Variants in JADE2 observed in about 807,000 individuals in gnomAD.
JADE2 encodes the protein E3 ubiquitin-protein ligase Jade-2.
In JADE2, 13 loss-of-function variants were observed where a neutral mutation model predicts 85.7. The observed-to-expected ratio is 0.15, with a 90% CI of 0.10 to 0.24. The LOEUF (loss-of-function observed/expected upper bound fraction) is 0.24. Among genes scored for constraint, JADE2 ranks in the 10% least tolerant of loss-of-function variants. JADE2 has a pLI of 1.00. For missense variants in JADE2, 846 were observed against 1,115.9 expected (o/e 0.76, Z 3.45); for synonymous variants, 440 against 456.1 (o/e 0.96, Z 0.45).
At chr5:134,561,064 A>G in intron 6 of JADE2, 107 bp downstream of exon 6, 1 of 860,576 alleles carries the variant, frequency 1.2e-6, no homozygotes, top group Non-Finnish European at 1.8e-6. Flanking sequence ...AGCCCTTAAG[A>G]AGGAGGAGGA....
At chr5:134,571,460 A>G (rs1442974974) in intron 9 of JADE2, among the ~76,000 whole-genome samples, 3 of 152,158 alleles carry the variant, frequency 2.0e-5, no homozygotes, top group Admixed American at 2.0e-4. Context: ...GAACTTTGGG[A>G]GGCCAAGGTG....
Position 134,578,266 on chromosome 5 carries a change from G to A in JADE2, c.1682-228G>A, listed in dbSNP as rs977885808. On this transcript the variant is annotated intron_variant, in intron 11 of 11. Coordinates refer to ENST00000681547, the MANE Select transcript of JADE2 (RefSeq NM_001388185.1). This position sits in a 1 kb window ranked among gnomAD's most constrained non-coding sequence, Gnocchi z 4.4. ...TACACTCTAGCCCACAAATTATGAA[G>A]CCCATCTTGAGGGCAGCACGTCCTT... Among the ~76,000 whole-genome samples, 35 of 152,198 alleles carry A rather than the reference G, an allele frequency of 2.3e-4. No homozygotes were observed. The highest frequency in any genetic ancestry group is 8.2e-4 in the African/African-American group (34 of 41,446).
chr5:134,532,372 G>A (rs962594059), intron 1 of JADE2, among the ~76,000 whole-genome samples: 11 of 152,170 alleles, frequency 7.2e-5, no homozygotes, highest in African/African-American at 1.9e-4. Context: ...TGGTGGGGCC[G>A]AGGATACAGA....
rs117447346 is a variant in JADE2, at chr5:134,531,247, G to A, written c.1-4611G>A. On this transcript the variant is annotated intron_variant, in intron 1 of 11. Transcript: ENST00000681547. ...GAATATTTGGCTTGTTCAAAGGAAT[G>A]AAAGGAGCCCAGCATGGCTAGAAGG... 1.4e-3 allele frequency among the ~76,000 whole-genome samples: 219 copies of A among 152,308 alleles called. 3 individuals are homozygous for A. The highest frequency in any genetic ancestry group is 8.0e-3 in the Admixed American group (123 of 15,304).
At chr5:134,536,190 C>G (rs941675204) in intron 2 of JADE2, among the ~76,000 whole-genome samples, 4 of 152,138 alleles carry the variant, frequency 2.6e-5, no homozygotes, top group African/African-American at 9.7e-5. Context: ...TGGAACAGAT[C>G]GGCTCCACTC....
chr5:134,561,909 G>T (rs542989728), intron 6 of JADE2, among the ~76,000 whole-genome samples: 38 of 152,096 alleles, frequency 2.5e-4, no homozygotes, highest in Non-Finnish European at 5.0e-4. Flanking sequence ...TCTATTGCTG[G>T]TTAGGAACCT....
At chr5:134,535,515 T>C (rs1761530066) in intron 1 of JADE2, among the ~76,000 whole-genome samples, 1 of 152,132 alleles carries the variant, frequency 6.6e-6, no homozygotes, top group Admixed American at 6.5e-5. Context: ...TGGGCCTGAG[T>C]GTCCTTGGGT....
Position 134,579,219 on chromosome 5 carries a change from A to G in JADE2, c.2407A>G (p.Ser803Gly). 6.2e-7 allele frequency: 1 copy of G among 1,614,144 alleles called. No individual in the cohort carries two copies. The highest frequency in any genetic ancestry group is 1.1e-5 in the South Asian group (1 of 91,078). The part of the protein sequence containing the change: ...TDGYFSDGEM[S>G]DSDVEAEDGG... ...TGGCTACTTCTCTGATGGGGAGATG[A>G]GCGACTCAGATGTAGAGGCCGAGGA... The change falls in exon 12 of 12, where the codon AGC becomes GGC. Residue 803 changes from serine to glycine, a missense_variant. Around this residue, in one of 9 missense-constraint regions of JADE2, gnomAD observed 300 missense variants for 300.7 expected, o/e 1.00. Coordinates refer to ENST00000681547, the MANE Select transcript of JADE2 (RefSeq NM_001388185.1). The surrounding 1 kb of genome is among the most constrained non-coding windows in gnomAD (Gnocchi z 4.6).
rs1014087065 is a variant in JADE2 at position 134,581,993 on chromosome 5, G to A, written c.*2676G>A. 6.6e-6 allele frequency: 1 copy of A among 152,078 alleles called. No homozygotes were observed. The highest frequency in any genetic ancestry group is 2.1e-4 in the South Asian group (1 of 4,810). 9.4% of individuals were successfully genotyped at this position (152,078 alleles called of 1,614,324 possible). ...AGGGCTTTGCTGTCCCTGAGACTGAGGCAGGTTCCTTTTCCAGGTCAGAGG... is the reference window on the plus strand; with the variant it reads ...AGGGCTTTGCTGTCCCTGAGACTGAAGCAGGTTCCTTTTCCAGGTCAGAGG... On this transcript the variant is annotated 3_prime_UTR_variant, in exon 12 of 12. Transcript: ENST00000681547.
rs571698247 is a variant in JADE2, at chr5:134,562,501, G to A, written c.852+134G>A. 1.5e-5 allele frequency: 14 copies of A among 906,884 alleles called. No individual in the cohort carries two copies. Among genetic ancestry groups the A allele is most frequent in the East Asian group, 1.1e-4 (4 of 36,532 alleles). The allele number at this position is 906,884 out of a possible 1,614,324, so 56.2% of individuals were successfully genotyped here. On this transcript the variant is annotated intron_variant, in intron 7 of 11. Transcript: ENST00000681547. The surrounding 1 kb of genome is among the most constrained non-coding windows in gnomAD (Gnocchi z 4.6). ...TAAAACACTGAGATCGGCCGGGCGC[G>A]GTGGCTCACGCCTGTAATCCCAGCA...
chr5:134,562,499 G>A lies in JADE2; in HGVS notation c.852+132G>A, dbSNP rs553497272. ...ACTAAAACACTGAGATCGGCCGGGC[G>A]CGGTGGCTCACGCCTGTAATCCCAG... is the stretch of plus-strand genomic sequence containing the variant. On this transcript the variant is annotated intron_variant, in intron 7 of 11. Coordinates refer to ENST00000681547, the MANE Select transcript of JADE2 (RefSeq NM_001388185.1). This position sits in a 1 kb window ranked among gnomAD's most constrained non-coding sequence, Gnocchi z 4.6. 2.8e-4 allele frequency: 266 copies of A among 950,230 alleles called. No homozygotes were observed. The highest frequency in any genetic ancestry group is 3.8e-4 in the Non-Finnish European group (246 of 651,072). 58.9% of individuals were successfully genotyped at this position (950,230 alleles called of 1,614,324 possible).
In JADE2 at chr5:134,551,910, G is replaced by A. The variant is rs1762614191; in HGVS notation, c.154-142G>A. On this transcript the variant is annotated intron_variant, in intron 3 of 11. Coordinates refer to ENST00000681547, the MANE Select transcript of JADE2 (RefSeq NM_001388185.1). ...TCAGAGCTATGTTATTTATTGTGCT[G>A]ATTGCTTTTATTTCGTCTTATTTCT... The A allele has an allele frequency of 5.1e-6, 4 of 777,786 alleles. No homozygotes were observed. In the African/African-American group the frequency reaches 5.2e-5, roughly 10 times the overall value. The allele number at this position is 777,786 out of a possible 1,614,324, so 48.2% of individuals were successfully genotyped here.
Position 134,539,897 on chromosome 5 carries a change from C to T in JADE2, c.153+1814C>T, listed in dbSNP as rs571822616. Among the ~76,000 whole-genome samples the T allele has an allele frequency of 4.6e-5, 7 of 152,342 alleles. No individual in the cohort carries two copies. The South Asian group carries it at 1.5e-3, about 32-fold the overall frequency. ...CCAGGAGCTGCCCTCCTCTAGGACTCTCCCCTGGGGAGGTGGGGCTGGGAT... is the reference window on the plus strand; with the variant it reads ...CCAGGAGCTGCCCTCCTCTAGGACTTTCCCCTGGGGAGGTGGGGCTGGGAT... On this transcript the variant is annotated intron_variant, in intron 3 of 11. Transcript: ENST00000681547.
At chr5:134,573,784 C>A in intron 10 of JADE2, 22 bp downstream of exon 10, 1 of 1,412,920 alleles carries the variant, frequency 7.1e-7, no homozygotes, top group Non-Finnish European at 1.0e-6. Flanking sequence ...CCCCACCTGC[C>A]GCCGCCACCT....
At position 134,579,073 on chromosome 5, in the gene JADE2, C is replaced by T; in HGVS notation, c.2261C>T (p.Pro754Leu). The T allele has an allele frequency of 6.2e-7, 1 of 1,614,064 alleles. No homozygotes were observed. Among genetic ancestry groups the T allele is most frequent in the Non-Finnish European group, 8.5e-7 (1 of 1,179,978 alleles). The change falls in exon 12 of 12, where the codon CCA becomes CTA. Residue 754 changes from proline (P) to leucine (L), a missense_variant. Physicochemically the swap from Pro to Leu is moderately conservative, Grantham distance 98. This residue lies in a region of JADE2 where 300 missense variants were observed against 300.7 expected (regional missense o/e 1.00). Coordinates refer to ENST00000681547, the MANE Select transcript of JADE2 (RefSeq NM_001388185.1). The surrounding 1 kb of genome is among the most constrained non-coding windows in gnomAD (Gnocchi z 4.6). ...ASPKPLGRLRPPRESKVTRRL... is the reference protein window; with the variant it reads ...ASPKPLGRLRLPRESKVTRRL... ...CCTAAGCCTTTGGGCCGGCTCCGGC[C>T]ACCCCGCGAGAGCAAGGTAACCCGG...
At chr5:134,543,721 A>C (rs140592438) in intron 3 of JADE2, among the ~76,000 whole-genome samples, 1 of 152,260 alleles carries the variant, frequency 6.6e-6, no homozygotes, top group East Asian at 1.9e-4. Context: ...ACTGCCATAG[A>C]CTTTTCCCTT....
intron 9 of JADE2, among the ~76,000 whole-genome samples, chr5:134,572,671 G>A (rs329320): frequency 0.77 from 116,587 of 152,162 alleles, 45,368 homozygotes; most frequent in Admixed American, 0.86. Context: ...GACCAAGGAA[G>A]TGTCTCAAGG....
At chr5:134,559,738 A>G in intron 4 of JADE2, 92 bp from the exon 5 acceptor site, 1 of 1,303,232 alleles carries the variant, frequency 7.7e-7, no homozygotes, top group South Asian at 1.5e-5. Flanking sequence ...CTTGTCCATC[A>G]GCTCCTGAGC....
chr5:134,548,936 T>A (rs1331372729), intron 3 of JADE2, among the ~76,000 whole-genome samples: 1 of 152,164 alleles, frequency 6.6e-6, no homozygotes, highest in Non-Finnish European at 1.5e-5. Context: ...ATCCTGCTTA[T>A]GGGGGTTCAG....
Sources: allele counts gnomAD v4.1 joint callset (sites outside exome capture counted in the v4.1 genomes callset), GRCh38; gene constraint gnomAD v4.1.1; regional missense constraint gnomAD v4.1.1; non-coding constraint Gnocchi (gnomAD v3.1); transcripts MANE v1.5; gene names NCBI Gene and HGNC (gene_info 2026-07-23, HGNC 2026-07-21).